The following DPCD variants were observed in gnomAD, a reference collection of about 807,000 sequenced individuals.
DPCD encodes the protein protein DPCD.
In DPCD, 20 loss-of-function variants were observed where a neutral mutation model predicts 26.4. The ratio of observed to expected loss-of-function variants is 0.76; its 90% CI spans 0.53 to 1.10. The LOEUF (loss-of-function observed/expected upper bound fraction) is 1.10, where lower values mean the gene tolerates loss of function less well. DPCD is among the 50% of genes least tolerant of loss of function. The pLI is 0.00. For synonymous variants in DPCD, 97 were observed against 94.2 expected, an observed-to-expected ratio of 1.03 and a Z score of -0.17; for missense variants, 202 against 253.9, an observed-to-expected ratio of 0.80 and a Z score of 1.39.
chr10:101,601,310 C>T lies in DPCD; in HGVS notation c.378C>T (p.Cys126=). 1 of 1,613,826 alleles carries T rather than the reference C, an allele frequency of 6.2e-7. No individual in the cohort carries two copies. The highest frequency in any genetic ancestry group is 8.5e-7 in the Non-Finnish European group (1 of 1,179,902). Residue 126 remains cysteine (C), a synonymous_variant, in exon 4 of 6, where the codon TGC becomes TGT. Transcript: ENST00000370151. ...YSVSVDQKER[C]IIVRTTNKKY... ...TCTCTGTGGACCAGAAGGAGCGCTG[C>T]ATCATTGTCAGAACAACCAACAAGA...
intron 2 of DPCD, among the ~76,000 whole-genome samples, chr10:101,597,594 C>T (rs997783401): frequency 2.0e-5 from 3 of 152,192 alleles, no homozygotes; most frequent in Non-Finnish European, 4.4e-5. Flanking sequence ...CCAGGCGCCA[C>T]CTCCTTTATA....
At chr10:101,596,360 C>T (rs954420052) in intron 2 of DPCD, among the ~76,000 whole-genome samples, 1 of 152,130 alleles carries the variant, frequency 6.6e-6, no homozygotes, top group Non-Finnish European at 1.5e-5. Flanking sequence ...TACTCGTCCT[C>T]GTTAAAGCCC....
chr10:101,594,298 G>A (rs2063634126), intron 1 of DPCD, among the ~76,000 whole-genome samples: 1 of 152,234 alleles, frequency 6.6e-6, no homozygotes, highest in Non-Finnish European at 1.5e-5. Flanking sequence ...ATGAGGATGT[G>A]ATTAATCCTA....
At chr10:101,598,611 C>CTTTTTTTTTTTTTTTTTTTT (rs71016333) in intron 2 of DPCD, among the ~76,000 whole-genome samples, 1 of 74,952 alleles carries the variant, frequency 1.3e-5, no homozygotes, top group African/African-American at 5.3e-5. Flanking sequence ...TAGATGCTTT[C>CTTTTTTTTTTTTTTTTTTTT]TTTTTTTTTT....
In DPCD at chr10:101,600,593, G is replaced by C; in HGVS notation, c.146-145G>C. 8.0e-7 allele frequency: 1 copy of C among 1,257,326 alleles called. No homozygotes were observed. The highest frequency in any genetic ancestry group is 1.5e-5 in the African/African-American group (1 of 66,254). 77.9% of individuals were successfully genotyped at this position (1,257,326 alleles called of 1,614,324 possible). ...GGTCCCTCCTTAGATTAACAAAGCT[G>C]AGAGTAAAGGCCCAACACTCCCACT... On this transcript the variant is annotated intron_variant, in intron 2 of 5. Transcript: ENST00000370151. The surrounding 1 kb of genome is among the most constrained non-coding windows in gnomAD (Gnocchi z 4.7).
At chr10:101,590,855 C>T (rs538975221) in intron 1 of DPCD, among the ~76,000 whole-genome samples, 74 of 152,288 alleles carry the variant, frequency 4.9e-4, no homozygotes, top group African/African-American at 1.7e-3. Context: ...CTAGGAACCT[C>T]GTCTAAGTGG....
intron 2 of DPCD, among the ~76,000 whole-genome samples, chr10:101,596,949 A>C (rs868325351): frequency 6.6e-5 from 10 of 152,214 alleles, no homozygotes; most frequent in South Asian, 2.1e-4. Flanking sequence ...TCAGTCTGGG[A>C]CAGAGTTCCT....
Position 101,609,471 on chromosome 10 carries a change from G to A in DPCD, c.612G>A (p.Ter204=), listed in dbSNP as rs138981039. The change falls in exon 6 of 6, where the codon TAG becomes TAA. Residue 204 remains the stop codon, a stop_retained_variant. Coordinates refer to ENST00000370151, the MANE Select transcript of DPCD (RefSeq NM_015448.3). ...HSNDGDCKTQ[*] Reference sequence around the variant, plus strand: ...ACGATGGGGACTGCAAGACCCAGTAGTTGGCCCCTGAGCCTTATACCTCCA... The same window carrying A: ...ACGATGGGGACTGCAAGACCCAGTAATTGGCCCCTGAGCCTTATACCTCCA... 853 of 1,613,740 alleles carry A rather than the reference G, an allele frequency of 5.3e-4. 2 individuals are homozygous for A. The highest frequency in any genetic ancestry group is 6.6e-4 in the Non-Finnish European group (773 of 1,179,898).
At position 101,609,522 on chromosome 10, in the gene DPCD, A is replaced by G. The variant is rs1035469197; in HGVS notation, c.*51A>G. 2.6e-6 allele frequency: 4 copies of G among 1,552,726 alleles called. No individual in the cohort carries two copies. The African/African-American group carries it at 5.4e-5, about 21-fold the overall frequency. On this transcript the variant is annotated 3_prime_UTR_variant, in exon 6 of 6. Transcript: ENST00000370151. ...CCACAGGGGGTGCCGTGAGACTTCAAGGCTTGGCCCTTCTTGACCACGGCA... is the reference window on the plus strand; with the variant it reads ...CCACAGGGGGTGCCGTGAGACTTCAGGGCTTGGCCCTTCTTGACCACGGCA...
In DPCD at chr10:101,600,905, G is replaced by GGTGGGCT. The variant is rs1464699813; in HGVS notation, c.270+52_270+58dup. 12 of 1,612,166 alleles carry GGTGGGCT rather than the reference G, an allele frequency of 7.4e-6. No homozygotes were observed. The highest frequency in any genetic ancestry group is 1.0e-5 in the Non-Finnish European group (12 of 1,179,616). On this transcript the variant is annotated intron_variant, in intron 3 of 5. Transcript: ENST00000370151. This position sits in a 1 kb window ranked among gnomAD's most constrained non-coding sequence, Gnocchi z 4.7. ...GGTGTCTTGCACGGACTGAGGTGGGGGTGGGCTGTGGGCTGCTGGCTCTTG... is the reference window on the plus strand; with the variant it reads ...GGTGTCTTGCACGGACTGAGGTGGGGGTGGGCTGTGGGCTGTGGGCTGCTGGCTCTTG...
intron 4 of DPCD, among the ~76,000 whole-genome samples, chr10:101,602,617 C>T (rs1438389103): frequency 6.6e-6 from 1 of 152,236 alleles, no homozygotes; most frequent in Non-Finnish European, 1.5e-5. Context: ...TTATTGTTCT[C>T]ATCATTAACA....
At chr10:101,598,190 A>G (rs1473897675) in intron 2 of DPCD, among the ~76,000 whole-genome samples, 1 of 152,150 alleles carries the variant, frequency 6.6e-6, no homozygotes, top group African/African-American at 2.4e-5. Flanking sequence ...ACCTTGGTGC[A>G]TTATTATGCA....
In DPCD at chr10:101,600,835, T is replaced by A; in HGVS notation, c.243T>A (p.Pro81=). 1 of 1,613,964 alleles carries A rather than the reference T, an allele frequency of 6.2e-7. No homozygotes were observed. Among genetic ancestry groups the A allele is most frequent in the Non-Finnish European group, 8.5e-7 (1 of 1,179,984 alleles). ...CCCTAGGAGCAGGGAACCTGGGGCC[T>A]GAACTCATCAAGGAAAGCAATGCCA... The part of the protein sequence containing the change: ...PAPLGAGNLG[P]ELIKESNANP... Residue 81 remains proline (P), a synonymous_variant, in exon 3 of 6, where the codon CCT becomes CCA. Coordinates refer to ENST00000370151, the MANE Select transcript of DPCD (RefSeq NM_015448.3). The surrounding 1 kb of genome is among the most constrained non-coding windows in gnomAD (Gnocchi z 4.7).
At position 101,603,599 on chromosome 10, in the gene DPCD, A is replaced by G. The variant is rs1330087809; in HGVS notation, c.404+2263A>G. Among the ~76,000 whole-genome samples, 1 of 152,082 alleles carries G rather than the reference A, an allele frequency of 6.6e-6. No individual in the cohort carries two copies. Among genetic ancestry groups the G allele is most frequent in the Non-Finnish European group, 1.5e-5 (1 of 68,000 alleles). Reference sequence around the variant, plus strand: ...ATGGCGAAACCCTGTCTCTCTAAAAATACAAAAATTAGCCAGGCGTGGTGG... The same window carrying G: ...ATGGCGAAACCCTGTCTCTCTAAAAGTACAAAAATTAGCCAGGCGTGGTGG... On this transcript the variant is annotated intron_variant, in intron 4 of 5. Coordinates refer to ENST00000370151, the MANE Select transcript of DPCD (RefSeq NM_015448.3). This position sits in a 1 kb window ranked among gnomAD's most constrained non-coding sequence, Gnocchi z 4.6.
At chr10:101,605,180 CGGTGTGCA>C in intron 4 of DPCD, 1 of 1,550,426 alleles carries the variant, frequency 6.4e-7, no homozygotes, top group Non-Finnish European at 8.7e-7. Context: ...TCTGGCCATG[CGGTGTGCA>C]GGTGTGCATG....
At chr10:101,593,389 A>G (rs1240790205) in intron 1 of DPCD, among the ~76,000 whole-genome samples, 2 of 152,204 alleles carry the variant, frequency 1.3e-5, no homozygotes, top group Admixed American at 6.5e-5. Context: ...TTGGACAGGA[A>G]AAAGGCACCT....
intron 2 of DPCD, chr10:101,596,465 T>C (rs772781138): frequency 1.3e-5 from 2 of 152,230 alleles, no homozygotes; most frequent in African/African-American, 4.8e-5. Context: ...AGCTAGTTTC[T>C]AAGCCAGGAT....
At chr10:101,590,062 G>GAAAAA (rs1564889361) in intron 1 of DPCD, among the ~76,000 whole-genome samples, 1 of 113,802 alleles carries the variant, frequency 8.8e-6, no homozygotes, top group South Asian at 2.5e-4. Context: ...CAAAAAAACT[G>GAAAAA]GAAAAAAAAA....
chr10:101,608,678 C>G (rs2063749064), intron 4 of DPCD, among the ~76,000 whole-genome samples, 157 bp from the exon 5 acceptor site: 1 of 152,182 alleles, frequency 6.6e-6, no homozygotes, highest in Non-Finnish European at 1.5e-5. Flanking sequence ...GGCCACTGAG[C>G]TCTGAAATAC....
Sources: gnomAD v4.1 joint callset for allele counts (sites outside exome capture counted in the v4.1 genomes callset) on GRCh38, gnomAD v4.1.1 for gene constraint, Gnocchi (gnomAD v3.1) non-coding constraint, MANE v1.5 for transcripts, NCBI Gene and HGNC (gene_info 2026-07-23, HGNC 2026-07-21) for gene names.